CSGALNACT1: variants seen among roughly 807,000 people sequenced by gnomAD.
CSGALNACT1 encodes beta4GalNAcT-1.
CSGALNACT1 carries 52 observed loss-of-function variants against 51.0 expected under a neutral mutation model. That is an observed-to-expected ratio of 1.02 (90% CI 0.82 to 1.29). CSGALNACT1 has a LOEUF of 1.29. Ranked by LOEUF, CSGALNACT1 falls within the 50% of genes most tolerant of loss-of-function variation. CSGALNACT1 has a pLI of 0.00. For missense variants in CSGALNACT1, 935 were observed against 679.2 expected, an observed-to-expected ratio of 1.38 and a Z score of -4.19; for synonymous variants, 341 against 254.4, an observed-to-expected ratio of 1.34 and a Z score of -3.24.
At chr8:19,577,904 T>C (rs2044644272) in intron 3 of CSGALNACT1, among the ~76,000 whole-genome samples, 1 of 152,148 alleles carries the variant, frequency 6.6e-6, no homozygotes, top group Non-Finnish European at 1.5e-5. Flanking sequence ...TCACATCACA[T>C]GAGACATCAG....
rs111734132 is a variant in CSGALNACT1, at chr8:19,577,401, C to CAAAAA, written c.-297+13754_-297+13758dup. On this transcript the variant is annotated intron_variant, in intron 3 of 9. Transcript: ENST00000454498. ...ACAACGAAGCCCGACCCCACCTCTA[C>CAAAAA]AAAAAAAAAAAAAGCCTAGTATGGT... 1.7e-3 allele frequency among the ~76,000 whole-genome samples: 175 copies of CAAAAA among 104,256 alleles called. 7 individuals are homozygous for CAAAAA. The highest frequency in any genetic ancestry group is 7.3e-3 in the African/African-American group (168 of 23,154). The allele number at this position is 104,256 out of a possible 152,430, so 68.4% of individuals were successfully genotyped here. A position where few individuals can be genotyped will look rare whatever the true frequency, so the allele number is the denominator to read the frequency against.
intron 3 of CSGALNACT1, among the ~76,000 whole-genome samples, chr8:19,578,855 T>C (rs1341824901): frequency 1.3e-5 from 2 of 152,164 alleles, no homozygotes; most frequent in African/African-American, 2.4e-5. Flanking sequence ...TCATCCTATC[T>C]GATATCAAGA....
chr8:19,441,904 C>A (rs371896714), intron 5 of CSGALNACT1, among the ~76,000 whole-genome samples: 2 of 152,126 alleles, frequency 1.3e-5, no homozygotes, highest in Non-Finnish European at 2.9e-5. Flanking sequence ...AAAAAGTGGG[C>A]GAAGGATATG....
At chr8:19,406,868 C>CTGGGTAACTTTTGTGTTTTTG (rs1377189628) in intron 9 of CSGALNACT1, among the ~76,000 whole-genome samples, 1 of 152,164 alleles carries the variant, frequency 6.6e-6, no homozygotes, top group African/African-American at 2.4e-5. Flanking sequence ...GTCACCATGC[C>CTGGGTAACTTTTGTGTTTTTG]TGGGTAACTT....
At chr8:19,601,964 T>C (rs1245822216) in intron 1 of CSGALNACT1, 99 bp from the exon 2 acceptor site, 9 of 430,464 alleles carry the variant, frequency 2.1e-5, no homozygotes, top group African/African-American at 1.6e-4. Context: ...ACTTAGTATA[T>C]AAAATACAAT....
intron 3 of CSGALNACT1, among the ~76,000 whole-genome samples, chr8:19,531,299 A>T (rs1025850380): frequency 6.6e-6 from 1 of 152,180 alleles, no homozygotes; most frequent in African/African-American, 2.4e-5. Context: ...ATTTTCACTC[A>T]TAGCTCCACA....
intron 5 of CSGALNACT1, among the ~76,000 whole-genome samples, chr8:19,444,673 T>C (rs954933651): frequency 2.6e-5 from 4 of 152,210 alleles, no homozygotes; most frequent in Non-Finnish European, 4.4e-5. Context: ...TGATGACACC[T>C]AAAAGAAATG....
At chr8:19,618,878 C>T (rs1417119533) in intron 1 of CSGALNACT1, among the ~76,000 whole-genome samples, 2 of 152,068 alleles carry the variant, frequency 1.3e-5, no homozygotes, top group African/African-American at 4.8e-5. Flanking sequence ...CATCCATTTT[C>T]TTCCACACTG....
At chr8:19,756,024 C>T (rs936981233) in intron 1 of CSGALNACT1, among the ~76,000 whole-genome samples, 1 of 152,106 alleles carries the variant, frequency 6.6e-6, no homozygotes, top group African/African-American at 2.4e-5. Flanking sequence ...GCCTTTTATG[C>T]CTAAGGCTTA....
chr8:19,629,258 G>A (rs1213475409), intron 1 of CSGALNACT1, among the ~76,000 whole-genome samples: 2 of 152,196 alleles, frequency 1.3e-5, no homozygotes, highest in African/African-American at 2.4e-5. Context: ...TAGGACAAAA[G>A]TAGGACAGAT....
chr8:19,578,978 C>A (rs1269628974), intron 3 of CSGALNACT1, among the ~76,000 whole-genome samples: 3 of 152,170 alleles, frequency 2.0e-5, no homozygotes, highest in Non-Finnish European at 4.4e-5. Context: ...GATCCTCCTG[C>A]CTCACATCCT....
intron 5 of CSGALNACT1, among the ~76,000 whole-genome samples, chr8:19,441,670 A>G (rs1363139469): frequency 6.6e-6 from 1 of 152,244 alleles, no homozygotes; most frequent in Non-Finnish European, 1.5e-5. Flanking sequence ...CAAGGACTTC[A>G]TGTCTAAAAC....
chr8:19,518,534 C>A (rs943852360), intron 3 of CSGALNACT1, among the ~76,000 whole-genome samples: 41 of 152,304 alleles, frequency 2.7e-4, no homozygotes, highest in African/African-American at 9.6e-4. Flanking sequence ...TCAGAGACTG[C>A]CTCCTCAAAC....
intron 1 of CSGALNACT1, among the ~76,000 whole-genome samples, chr8:19,646,212 G>A (rs2057262617): frequency 6.6e-6 from 1 of 152,218 alleles, no homozygotes; most frequent in Admixed American, 6.5e-5. Context: ...AGATAAGTGT[G>A]TGTAAAATAA....
At chr8:19,412,015 T>G (rs1439100116) in intron 8 of CSGALNACT1, among the ~76,000 whole-genome samples, 1 of 152,046 alleles carries the variant, frequency 6.6e-6, no homozygotes, top group Non-Finnish European at 1.5e-5. Flanking sequence ...ATATTTTTAG[T>G]AAAGAAGGGG....
intron 1 of CSGALNACT1, among the ~76,000 whole-genome samples, chr8:19,625,131 C>T (rs2054285126): frequency 6.6e-6 from 1 of 152,138 alleles, no homozygotes; most frequent in African/African-American, 2.4e-5. Context: ...GAAAGAGTAT[C>T]ACAACCCTAC....
intron 6 of CSGALNACT1, among the ~76,000 whole-genome samples, chr8:19,437,567 C>CA (rs1354667956): frequency 6.6e-6 from 1 of 152,082 alleles, no homozygotes; most frequent in African/African-American, 2.4e-5. Context: ...GACATCAACA[C>CA]TACAGATATC....
intron 3 of CSGALNACT1, among the ~76,000 whole-genome samples, chr8:19,517,462 A>G (rs1409656980): frequency 6.6e-6 from 1 of 152,168 alleles, no homozygotes; most frequent in Non-Finnish European, 1.5e-5. Flanking sequence ...AAGAAGAAAA[A>G]GAGAATATCT....
chr8:19,612,127 G>T (rs1253286141), intron 1 of CSGALNACT1, among the ~76,000 whole-genome samples: 1 of 152,034 alleles, frequency 6.6e-6, no homozygotes, highest in Non-Finnish European at 1.5e-5. Context: ...TGGATCACTT[G>T]AGGCCAGGAG....
Sources: allele counts gnomAD v4.1 joint callset (sites outside exome capture counted in the v4.1 genomes callset), GRCh38; gene constraint gnomAD v4.1.1; transcripts MANE v1.5; gene names NCBI Gene and HGNC (gene_info 2026-07-23, HGNC 2026-07-21).